The following PCDH9 variants were observed in gnomAD, a reference collection of about 807,000 sequenced individuals.
PCDH9 encodes the protein protocadherin-9.
A neutral mutation model predicts 70.6 loss-of-function variants in PCDH9; 24 were observed. The observed-to-expected ratio is 0.34, with a 90% CI of 0.25 to 0.48. PCDH9 has a LOEUF of 0.48. PCDH9 is among the 20% of genes least tolerant of loss of function. PCDH9 has a pLI of 0.99. For missense variants in PCDH9, 1,281 were observed against 1,503.6 expected, an observed-to-expected ratio of 0.85 and a Z score of 2.45; for synonymous variants, 562 against 558.5, an observed-to-expected ratio of 1.01 and a Z score of -0.09.
intron 4 of PCDH9, among the ~76,000 whole-genome samples, chr13:66,523,576 A>C (rs1960089334): frequency 6.6e-6 from 1 of 152,062 alleles, no homozygotes; most frequent in African/African-American, 2.4e-5. Flanking sequence ...ATATACACAC[A>C]CACACACATA....
intron 2 of PCDH9, among the ~76,000 whole-genome samples, chr13:67,054,552 T>C (rs1594447723): frequency 6.6e-6 from 1 of 152,206 alleles, no homozygotes; most frequent in African/African-American, 2.4e-5. Flanking sequence ...AGAATTTTTC[T>C]TTCTTTCTTT....
chr13:66,756,537 C>A (rs79755677), intron 3 of PCDH9, among the ~76,000 whole-genome samples: 1,625 of 128,890 alleles, frequency 0.013, 32 homozygotes, highest in African/African-American at 0.043. Context: ...GTGAGGTCAA[C>A]AAAGCCTTTT....
intron 2 of PCDH9, among the ~76,000 whole-genome samples, chr13:67,025,129 G>A (rs2084754443): frequency 6.6e-6 from 1 of 152,054 alleles, no homozygotes; most frequent in South Asian, 2.1e-4. Flanking sequence ...ATAAATATGT[G>A]TGTGCATGTA....
intron 3 of PCDH9, among the ~76,000 whole-genome samples, chr13:66,844,268 C>T (rs924997683): frequency 1.3e-5 from 2 of 151,966 alleles, no homozygotes; most frequent in African/African-American, 4.8e-5. Flanking sequence ...AGAATATACT[C>T]CCAAACACTA....
At chr13:66,719,542 C>T (rs79953230) in intron 3 of PCDH9, among the ~76,000 whole-genome samples, 2,746 of 152,194 alleles carry the variant, frequency 0.018, 54 homozygotes, top group Middle Eastern at 0.051. Flanking sequence ...GTAGCTTGAT[C>T]TTAGACTTCC....
intron 3 of PCDH9, 36 bp from the exon 4 acceptor site, chr13:66,631,447 T>G (rs1310518835): frequency 8.2e-7 from 1 of 1,219,372 alleles, no homozygotes; most frequent in African/African-American, 1.5e-5. Context: ...TGATTAACAC[T>G]CCTCTCAAAT....
intron 4 of PCDH9, among the ~76,000 whole-genome samples, chr13:66,532,566 T>G (rs1290372144): frequency 6.6e-6 from 1 of 152,132 alleles, no homozygotes. Flanking sequence ...TGTTTTGTGA[T>G]GTAGTCTTTC....
At chr13:67,039,077 C>T (rs1281517932) in intron 2 of PCDH9, among the ~76,000 whole-genome samples, 5 of 152,162 alleles carry the variant, frequency 3.3e-5, no homozygotes, top group East Asian at 1.9e-4. Context: ...ATGGGGTTCA[C>T]GGAACTTCTG....
intron 2 of PCDH9, chr13:67,215,914 T>A (rs2089590293): frequency 6.6e-6 from 1 of 152,176 alleles, no homozygotes; most frequent in Admixed American, 6.5e-5. Flanking sequence ...AACTTTCTTA[T>A]ATTCTCTAAG....
intron 3 of PCDH9, among the ~76,000 whole-genome samples, chr13:66,899,778 G>A (rs1360352113): frequency 2.0e-5 from 3 of 152,004 alleles, no homozygotes; most frequent in East Asian, 3.9e-4. Context: ...CCGGTGCTTC[G>A]ATTTTAATCA....
intron 3 of PCDH9, among the ~76,000 whole-genome samples, chr13:66,814,741 C>T (rs961629673): frequency 5.5e-4 from 83 of 152,200 alleles, no homozygotes; most frequent in Middle Eastern, 3.4e-3. Context: ...TTCTTTACAC[C>T]ATATTCTAAA....
chr13:66,854,121 T>C (rs1476867046), intron 3 of PCDH9, among the ~76,000 whole-genome samples: 2 of 152,188 alleles, frequency 1.3e-5, no homozygotes, highest in African/African-American at 2.4e-5. Context: ...TTGAGTATTG[T>C]ACTGCTTATA....
chr13:67,014,195 C>T (rs977124538), intron 2 of PCDH9, among the ~76,000 whole-genome samples: 1 of 152,042 alleles, frequency 6.6e-6, no homozygotes, highest in African/African-American at 2.4e-5. Context: ...ACACTTTTTA[C>T]TAAAATACTG....
chr13:67,086,947 C>A (rs1042014566), intron 2 of PCDH9, among the ~76,000 whole-genome samples: 1 of 152,000 alleles, frequency 6.6e-6, no homozygotes, highest in African/African-American at 2.4e-5. Flanking sequence ...CTACTCTTGA[C>A]AAGATTTTTT....
intron 2 of PCDH9, among the ~76,000 whole-genome samples, chr13:66,926,528 T>A (rs938743166): frequency 6.6e-6 from 1 of 152,080 alleles, no homozygotes; most frequent in Admixed American, 6.6e-5. Context: ...CCAAGGACGA[T>A]CTCTACAACC....
intron 2 of PCDH9, among the ~76,000 whole-genome samples, chr13:67,060,992 A>G (rs2085528578): frequency 1.3e-5 from 2 of 152,122 alleles, no homozygotes; most frequent in Non-Finnish European, 2.9e-5. Context: ...TGATTAAAGA[A>G]CCAAATAAAG....
Position 66,817,831 on chromosome 13 carries a change from T to C in PCDH9, c.3138+85673A>G, listed in dbSNP as rs527326357. ...TTTGTAGAGACAGGGTTTCATCATG[T>C]TGCCCAGGCTGGCCTTGAACTGCTG... is the stretch of plus-strand genomic sequence containing the variant. On this transcript the variant is annotated intron_variant, in intron 3 of 4. Coordinates refer to ENST00000377865, the MANE Select transcript of PCDH9 (RefSeq NM_203487.3). Among the ~76,000 whole-genome samples the C allele has an allele frequency of 4.6e-5, 7 of 152,272 alleles. No homozygotes were observed. The South Asian group carries it at 1.5e-3, about 32-fold the overall frequency.
intron 2 of PCDH9, chr13:67,211,020 G>A (rs944105161): frequency 2.0e-5 from 3 of 151,896 alleles, no homozygotes; most frequent in Non-Finnish European, 4.4e-5. Context: ...TTAAATGTCT[G>A]TATCTTCCTA....
intron 3 of PCDH9, among the ~76,000 whole-genome samples, chr13:66,698,022 C>T (rs976008388): frequency 1.3e-5 from 2 of 152,082 alleles, no homozygotes; most frequent in African/African-American, 4.8e-5. Flanking sequence ...AAAAGCTAGA[C>T]ATGAAAGGAT....
Sources: allele counts gnomAD v4.1 joint callset (sites outside exome capture counted in the v4.1 genomes callset), GRCh38; gene constraint gnomAD v4.1.1; transcripts MANE v1.5; gene names NCBI Gene and HGNC (gene_info 2026-07-23, HGNC 2026-07-21).